SRP68: variants seen among roughly 807,000 people sequenced by gnomAD.
SRP68 encodes the protein signal recognition particle 68, also known as signal recognition particle subunit SRP68.
In SRP68, 15 loss-of-function variants were observed where a neutral mutation model predicts 82.2. The observed-to-expected ratio is 0.18, with a 90% confidence interval of 0.12 to 0.28. The LOEUF (loss-of-function observed/expected upper bound fraction) is 0.28, where lower values mean the gene tolerates loss of function less well. Among genes scored for constraint, SRP68 ranks in the 10% least tolerant of loss-of-function variants. The probability of loss-of-function intolerance (pLI) is 1.00; values close to 1 mark genes in which losing one functional copy is unlikely to be tolerated. For synonymous variants in SRP68, 261 were observed against 292.6 expected, an observed-to-expected ratio of 0.89 and a Z score of 1.10; for missense variants, 595 against 780.5, an observed-to-expected ratio of 0.76 and a Z score of 2.83.
Position 76,072,145 on chromosome 17 carries a change from C to A in SRP68, c.184+163G>T. ...ACACGAGGAAAGACTAGTCGAGAGA[C>A]AGACCCCCCCCGGAATTCTGAGCAC... On this transcript the variant is annotated intron_variant, in intron 1 of 15. Coordinates refer to ENST00000307877, the MANE Select transcript of SRP68 (RefSeq NM_014230.4). The surrounding 1 kb of genome is among the most constrained non-coding windows in gnomAD (Gnocchi z 4.5). 1.5e-6 allele frequency: 2 copies of A among 1,349,644 alleles called. No individual in the cohort carries two copies. Among genetic ancestry groups the A allele is most frequent in the Non-Finnish European group, 9.9e-7 (1 of 1,006,076 alleles). The allele number at this position is 1,349,644 out of a possible 1,614,324, so 83.6% of individuals were successfully genotyped here.
chr17:76,050,333 A>G, intron 9 of SRP68, 95 bp downstream of exon 9: 1 of 841,338 alleles, frequency 1.2e-6, no homozygotes, highest in Non-Finnish European at 2.0e-6. Flanking sequence ...CCAAGCGAGC[A>G]GTGCACTCAG....
At chr17:76,049,722 T>C (rs1359704969) in intron 9 of SRP68, 1 of 152,116 alleles carries the variant, frequency 6.6e-6, no homozygotes, top group African/African-American at 2.4e-5. Context: ...ATATGACAAA[T>C]TAGTCAAATA....
Position 76,046,204 on chromosome 17 carries a change from A to G in SRP68, c.1143-10T>C, listed in dbSNP as rs1282499463. ...GATGTAAGTCAGGTAGCTGGAATGC[A>G]CCACAAGTCAGCTCAAGTTATACTC... On this transcript the variant is annotated splice_polypyrimidine_tract_variant and intron_variant, in intron 10 of 15. Coordinates refer to ENST00000307877, the MANE Select transcript of SRP68 (RefSeq NM_014230.4). 1.2e-6 allele frequency: 2 copies of G among 1,613,364 alleles called. No homozygotes were observed. The highest frequency in any genetic ancestry group is 3.3e-5 in the Admixed American group (2 of 59,974).
chr17:76,041,717 CTT>C (rs772322275), intron 13 of SRP68: 1 of 152,124 alleles, frequency 6.6e-6, no homozygotes, highest in African/African-American at 2.4e-5. Flanking sequence ...CTTGGGGTCT[CTT>C]TTATTTCTTC....
Position 76,040,903 on chromosome 17 carries a change from C to A in SRP68, c.1600G>T (p.Asp534Tyr). 1 of 1,613,822 alleles carries A rather than the reference C, an allele frequency of 6.2e-7. No individual in the cohort carries two copies. The highest frequency in any genetic ancestry group is 1.1e-5 in the South Asian group (1 of 91,070). The change falls in exon 14 of 16, where the codon GAT (aspartate) becomes TAT (tyrosine). Residue 534 changes from aspartate (D) to tyrosine (Y), a missense_variant and splice_region_variant. Around this residue, in one of 2 missense-constraint regions of SRP68, gnomAD observed 495 missense variants for 688.6 expected, o/e 0.72. Transcript: ENST00000307877. ...TACAAAGGCCAGGCAGGGGGCTCAC[C>A]AAGGATGGCTGCGGCCTGCAGGGAG... ...KCSLQAAAIL[D>Y]ANDAHQTETS...
intron 5 of SRP68, 119 bp from the exon 6 acceptor site, chr17:76,061,338 G>A (rs2066750918): frequency 2.1e-6 from 2 of 946,076 alleles, no homozygotes. Context: ...TACCATAACT[G>A]GCATGTTCTA....
rs146750443 is a variant in SRP68 at position 76,063,558 on chromosome 17, C to T, written c.561+418G>A. Among the ~76,000 whole-genome samples the T allele has an allele frequency of 4.5e-3, 677 of 151,996 alleles. 5 individuals carry two copies. The highest frequency in any genetic ancestry group is 0.016 in the African/African-American group (652 of 41,494). ...AAAAAATTAGCCAGGCGTGGTGGCA[C>T]GTGCCTATAATCCCACCTACTCGGG... On this transcript the variant is annotated intron_variant, in intron 4 of 15. Transcript: ENST00000307877.
At chr17:76,066,294 A>C (rs2066805634) in intron 3 of SRP68, among the ~76,000 whole-genome samples, 1 of 152,092 alleles carries the variant, frequency 6.6e-6, no homozygotes. Flanking sequence ...TCTACTAAAA[A>C]TACAAAACTC....
At position 76,039,551 on chromosome 17, in the gene SRP68, G is replaced by T; in HGVS notation, c.*155C>A. ...CTCCTGACACGCTGCTTAAGAACGT[G>T]TACAGACACAAGATGTAGGAATGCA... On this transcript the variant is annotated 3_prime_UTR_variant, in exon 16 of 16. Coordinates refer to ENST00000307877, the MANE Select transcript of SRP68 (RefSeq NM_014230.4). The T allele has an allele frequency of 1.4e-6, 1 of 739,160 alleles. No individual in the cohort carries two copies. The highest frequency in any genetic ancestry group is 2.2e-6 in the Non-Finnish European group (1 of 445,184). The allele number at this position is 739,160 out of a possible 1,614,324, so 45.8% of individuals were successfully genotyped here. A position where few individuals can be genotyped will look rare whatever the true frequency, so the allele number is the denominator to read the frequency against.
At position 76,061,528 on chromosome 17, in the gene SRP68, T is replaced by C. The variant is rs1297786826; in HGVS notation, c.608A>G (p.Glu203Gly). 3 of 1,613,928 alleles carry C rather than the reference T, an allele frequency of 1.9e-6. No individual in the cohort carries two copies. The highest frequency in any genetic ancestry group is 2.5e-6 in the Non-Finnish European group (3 of 1,180,012). Residue 203 changes from glutamate (E) to glycine (G), a missense_variant, in exon 5 of 16, where the codon GAA becomes GGA. Physicochemically the swap from Glu to Gly is moderately conservative, Grantham distance 98. Transcript: ENST00000307877. ...LSGMLRFEHQ[E>G]WKAAIEAFNK... ...AAAAGCCTCAATGGCAGCTTTCCAT[T>C]CTTGATGTTCAAAACGTAGCATTCC...
intron 9 of SRP68, among the ~76,000 whole-genome samples, chr17:76,049,983 C>T (rs971697389): frequency 6.6e-6 from 1 of 152,040 alleles, no homozygotes; most frequent in African/African-American, 2.4e-5. Context: ...CCTAGGCACA[C>T]GAGAAAAGGC....
chr17:76,063,966 AG>A lies in SRP68; in HGVS notation c.561+9del. The A allele has an allele frequency of 6.2e-7, 1 of 1,603,748 alleles. No homozygotes were observed. Among genetic ancestry groups the A allele is most frequent in the Non-Finnish European group, 8.5e-7 (1 of 1,172,798 alleles). ...TCCACAATAAACAAGCTGAATGTTG[AG>A]GTACTAACCTGAGCCTCTAATTTGG... On this transcript the variant is annotated intron_variant, in intron 4 of 15. Coordinates refer to ENST00000307877, the MANE Select transcript of SRP68 (RefSeq NM_014230.4).
rs1297511626 is a variant in SRP68 at position 76,046,033 on chromosome 17, G to T, written c.1299+5C>A. On this transcript the variant is annotated splice_donor_5th_base_variant and intron_variant, in intron 11 of 15. Transcript: ENST00000307877. ...GCCCTTGCCTTCCCGGTCCTCAAGG[G>T]TCACCTGTAAGATGATGTCATAGAG... 1 of 1,613,768 alleles carries T rather than the reference G, an allele frequency of 6.2e-7. No individual in the cohort carries two copies. Among genetic ancestry groups the T allele is most frequent in the Non-Finnish European group, 8.5e-7 (1 of 1,179,866 alleles).
chr17:76,062,569 T>C (rs1427816243), intron 4 of SRP68, among the ~76,000 whole-genome samples: 2 of 97,152 alleles, frequency 2.1e-5, no homozygotes, highest in East Asian at 4.8e-4. Context: ...TTATATATTA[T>C]ATAATATACA....
intron 4 of SRP68, among the ~76,000 whole-genome samples, chr17:76,063,379 C>T (rs1252587887): frequency 6.6e-6 from 1 of 152,000 alleles, no homozygotes; most frequent in East Asian, 1.9e-4. Flanking sequence ...AAAACATGAC[C>T]TTTCTTAAAA....
rs2066858583 is a variant in SRP68, at chr17:76,072,228, G to C, written c.184+80C>G. ...CGGCCTCTCCTGCCAGGACTTGTCG[G>C]GACCCGCCGCCTCTCCCGCCCCCAG... On this transcript the variant is annotated intron_variant, in intron 1 of 15. Transcript: ENST00000307877. The surrounding 1 kb of genome is among the most constrained non-coding windows in gnomAD (Gnocchi z 4.5). 6.3e-7 allele frequency: 1 copy of C among 1,596,580 alleles called. No individual in the cohort carries two copies. Among genetic ancestry groups the C allele is most frequent in the East Asian group, 2.3e-5 (1 of 43,456 alleles).
intron 5 of SRP68, 53 bp from the exon 6 acceptor site, chr17:76,061,272 A>AT: frequency 7.7e-7 from 1 of 1,290,636 alleles, no homozygotes; most frequent in Non-Finnish European, 1.1e-6. Flanking sequence ...AGAAAAACTC[A>AT]TGGGGAACAC....
At chr17:76,062,729 TTATATATATA>T (rs200522360) in intron 4 of SRP68, among the ~76,000 whole-genome samples, 1,515 of 14,510 alleles carry the variant, frequency 0.1, 282 homozygotes, top group Non-Finnish European at 0.11. Flanking sequence ...TATATTTATT[TTATATATATA>T]TATATATATA....
intron 3 of SRP68, among the ~76,000 whole-genome samples, chr17:76,066,878 C>T (rs1258261952): frequency 6.6e-6 from 1 of 151,968 alleles, no homozygotes; most frequent in Non-Finnish European, 1.5e-5. Flanking sequence ...CAGGCGCCTG[C>T]CACCATGCCC....
Sources: allele counts gnomAD v4.1 joint callset (sites outside exome capture counted in the v4.1 genomes callset), GRCh38; gene constraint gnomAD v4.1.1; regional missense constraint gnomAD v4.1.1; non-coding constraint Gnocchi (gnomAD v3.1); transcripts MANE v1.5; gene names NCBI Gene and HGNC (gene_info 2026-07-23, HGNC 2026-07-21).